Variants in CDKAL1 observed in about 807,000 individuals in gnomAD.
CDKAL1 encodes the protein CDKAL1 threonylcarbamoyladenosine tRNA methylthiotransferase.
CDKAL1 carries 32 observed loss-of-function variants against 68.2 expected under a neutral mutation model. The ratio of observed to expected loss-of-function variants is 0.47; its 90% CI spans 0.35 to 0.63. CDKAL1 has a LOEUF of 0.63. Among genes scored for constraint, CDKAL1 ranks in the 30% least tolerant of loss-of-function variants. CDKAL1 has a pLI of 0.00. For synonymous variants in CDKAL1, 234 were observed against 244.3 expected (o/e 0.96, Z 0.39); for missense variants, 606 against 696.7 (o/e 0.87, Z 1.47).
intron 9 of CDKAL1, among the ~76,000 whole-genome samples, chr6:20,934,601 T>G (rs1393364209): frequency 6.6e-6 from 1 of 151,628 alleles, no homozygotes; most frequent in Non-Finnish European, 1.5e-5. Context: ...TCCCAGCACT[T>G]TGGGAGGCTG....
At chr6:20,730,116 T>C (rs1203274977) in intron 5 of CDKAL1, among the ~76,000 whole-genome samples, 2 of 151,802 alleles carry the variant, frequency 1.3e-5, no homozygotes, top group Non-Finnish European at 2.9e-5. Flanking sequence ...GCTCAGGAGT[T>C]TGAGACCAGG....
chr6:21,124,520 A>G (rs1022636621), intron 13 of CDKAL1, among the ~76,000 whole-genome samples: 6 of 152,038 alleles, frequency 3.9e-5, no homozygotes, highest in Non-Finnish European at 8.8e-5. Flanking sequence ...ACATCTCTCC[A>G]GCTACTGAAC....
chr6:20,742,184 A>T (rs1371159247), intron 6 of CDKAL1, among the ~76,000 whole-genome samples: 1 of 151,772 alleles, frequency 6.6e-6, no homozygotes, highest in African/African-American at 2.4e-5. Context: ...AAATTTGTTT[A>T]TGTTCCTTAT....
chr6:20,970,920 C>T (rs894009112), intron 10 of CDKAL1, among the ~76,000 whole-genome samples: 1 of 152,192 alleles, frequency 6.6e-6, no homozygotes, highest in African/African-American at 2.4e-5. Flanking sequence ...ATGATCTCAG[C>T]TCACTGCAAC....
At chr6:21,113,973 G>A (rs567257135) in intron 13 of CDKAL1, among the ~76,000 whole-genome samples, 1 of 151,676 alleles carries the variant, frequency 6.6e-6, no homozygotes, top group South Asian at 2.1e-4. Flanking sequence ...CTCCGGCCGG[G>A]CGCAGTGGCT....
chr6:21,085,483 A>G (rs962018001), intron 12 of CDKAL1, among the ~76,000 whole-genome samples: 1 of 152,172 alleles, frequency 6.6e-6, no homozygotes, highest in Non-Finnish European at 1.5e-5. Context: ...TGTAAGAGCT[A>G]TACAAAGGGC....
chr6:21,020,794 A>G (rs1768617166), intron 11 of CDKAL1, among the ~76,000 whole-genome samples: 1 of 139,874 alleles, frequency 7.1e-6, no homozygotes, highest in African/African-American at 2.9e-5. Context: ...TTTTTTTTTA[A>G]GAGATAGGGT....
intron 9 of CDKAL1, among the ~76,000 whole-genome samples, chr6:20,894,391 CTT>C (rs5874793): frequency 1.1e-3 from 133 of 124,052 alleles, no homozygotes; most frequent in African/African-American, 2.3e-3. Context: ...ACCCCACATA[CTT>C]TTTTTTTTTT....
chr6:21,201,885 G>A (rs1431121655), intron 15 of CDKAL1, among the ~76,000 whole-genome samples: 1 of 151,778 alleles, frequency 6.6e-6, no homozygotes, highest in Admixed American at 6.6e-5. Context: ...CTGATGGAGT[G>A]TGAAATGAAA....
At chr6:21,006,906 G>A (rs1229034581) in intron 11 of CDKAL1, among the ~76,000 whole-genome samples, 1 of 151,878 alleles carries the variant, frequency 6.6e-6, no homozygotes, top group Non-Finnish European at 1.5e-5. Context: ...AGAAATCATC[G>A]TCTCTTAATC....
chr6:20,571,402 C>A (rs34904067), intron 4 of CDKAL1, among the ~76,000 whole-genome samples: 10,451 of 152,092 alleles, frequency 0.069, 517 homozygotes, highest in African/African-American at 0.13. Context: ...TGTAAGAAGA[C>A]TTCTCTTTCC....
intron 11 of CDKAL1, among the ~76,000 whole-genome samples, chr6:21,009,449 A>C (rs1236578830): frequency 6.6e-6 from 1 of 152,176 alleles, no homozygotes; most frequent in East Asian, 1.9e-4. Context: ...ATCAATAAAG[A>C]AGCTGTGTTT....
At chr6:20,878,956 G>A (rs1262629617) in intron 9 of CDKAL1, among the ~76,000 whole-genome samples, 1 of 151,266 alleles carries the variant, frequency 6.6e-6, no homozygotes, top group African/African-American at 2.4e-5. Flanking sequence ...GCGGGCGCCT[G>A]TAATCCCAGC....
chr6:20,548,245 A>G (rs1412199073), intron 3 of CDKAL1, among the ~76,000 whole-genome samples: 13 of 152,164 alleles, frequency 8.5e-5, no homozygotes, highest in African/African-American at 2.4e-4. Flanking sequence ...AAATAACTCA[A>G]TGAGGTTGGG....
chr6:21,116,280 T>C (rs1189184246), intron 13 of CDKAL1, among the ~76,000 whole-genome samples: 2 of 152,094 alleles, frequency 1.3e-5, no homozygotes, highest in African/African-American at 4.8e-5. Context: ...CAGAGACCCA[T>C]AGATGCCAGA....
chr6:20,770,036 T>C (rs1456038439), intron 7 of CDKAL1, among the ~76,000 whole-genome samples: 2 of 152,200 alleles, frequency 1.3e-5, no homozygotes, highest in Non-Finnish European at 2.9e-5. Flanking sequence ...GATCTTCTCT[T>C]ATATATTTTG....
intron 12 of CDKAL1, among the ~76,000 whole-genome samples, chr6:21,077,674 T>C (rs1772146536): frequency 6.6e-6 from 1 of 152,176 alleles, no homozygotes; most frequent in African/African-American, 2.4e-5. Context: ...ACTCGCTCGC[T>C]ATCATGAGAA....
chr6:20,619,505 T>TA (rs988012771), intron 4 of CDKAL1, among the ~76,000 whole-genome samples: 2 of 152,036 alleles, frequency 1.3e-5, no homozygotes, highest in South Asian at 2.1e-4. Flanking sequence ...ATCTTCTAGT[T>TA]AAAAAAAATG....
intron 5 of CDKAL1, among the ~76,000 whole-genome samples, chr6:20,735,687 C>T (rs962533135): frequency 2.6e-5 from 4 of 152,128 alleles, no homozygotes; most frequent in Non-Finnish European, 4.4e-5. Context: ...AATAAGCTTT[C>T]GCCTATTTCA....
Sources: gnomAD v4.1 joint callset for allele counts (sites outside exome capture counted in the v4.1 genomes callset) on GRCh38, gnomAD v4.1.1 for gene constraint, MANE v1.5 for transcripts, NCBI Gene and HGNC (gene_info 2026-07-23, HGNC 2026-07-21) for gene names.